SAMD11: variants seen among roughly 807,000 people sequenced by gnomAD.
The protein encoded by SAMD11 is sterile alpha motif domain containing 11, also known as sterile alpha motif domain-containing protein 11.
SAMD11 carries 77 observed loss-of-function variants against 64.4 expected under a neutral mutation model. The observed-to-expected ratio is 1.20, with a 90% CI of 0.99 to 1.44. The LOEUF is 1.44. SAMD11 is among the 40% of genes most tolerant of loss of function. The pLI is 0.00. For missense variants in SAMD11, 1,402 were observed against 943.3 expected (o/e 1.49, Z -6.37); for synonymous variants, 658 against 421.9 (o/e 1.56, Z -6.86).
At chr1:940,328 C>A (rs993788050) in intron 7 of SAMD11, 2 of 147,836 alleles carry the variant, frequency 1.4e-5, no homozygotes, top group African/African-American at 2.5e-5. Flanking sequence ...CGGAGCCGGC[C>A]GTAAATAACC....
intron 1 of SAMD11, chr1:925,328 G>C (rs984713882): frequency 8.0e-5 from 12 of 150,836 alleles, no homozygotes; most frequent in African/African-American, 2.9e-4. Flanking sequence ...CCGGGTGCGA[G>C]CGCGCGGCGG....
chr1:926,118 C>A, intron 2 of SAMD11, 105 bp downstream of exon 2: 1 of 1,119,182 alleles, frequency 8.9e-7, no homozygotes, highest in Non-Finnish European at 1.3e-6. Context: ...CTCACCCCTG[C>A]GGGTGTGCTG....
In SAMD11 at chr1:937,612, G is replaced by A. The variant is rs906631991; in HGVS notation, c.968-1428G>A. On this transcript the variant is annotated intron_variant, in intron 5 of 13. Coordinates refer to ENST00000616016, the MANE Select transcript of SAMD11 (RefSeq NM_001385641.1). ...TTGGCCCACCCCCTCCCAGCCCACC[G>A]AGCTCTGGCACGGGAGGCTGTGGGG... Among the ~76,000 whole-genome samples the A allele has an allele frequency of 9.9e-5, 15 of 151,744 alleles. No homozygotes were observed. In the East Asian group the frequency reaches 1.2e-3, roughly 12 times the overall value.
intron 5 of SAMD11, among the ~76,000 whole-genome samples, chr1:937,137 C>T (rs1641498213): frequency 6.6e-6 from 1 of 152,166 alleles, no homozygotes; most frequent in Non-Finnish European, 1.5e-5. Flanking sequence ...GGCCCGCTCC[C>T]CGGAGCCTCC....
rs139717535 is a variant in SAMD11 at position 944,051 on chromosome 1, T to A, written c.2433T>A (p.Tyr811Ter). ...CCCCCACGACGGCCACGTCCCCCTA[T>A]GGAGGGGGCCACGCCCTTGCCGGTC... Reference protein sequence around the residue: ...PLSPTTATSPYGGGHALAGQT... With the variant: ...PLSPTTATSP The change falls in exon 14 of 14, where the codon TAT (tyrosine) becomes TAA (stop). Residue 811 changes from tyrosine to a stop codon, truncating the protein, a stop_gained. Coordinates refer to ENST00000616016, the MANE Select transcript of SAMD11 (RefSeq NM_001385641.1). LOFTEE classifies it high-confidence loss of function. The A allele has an allele frequency of 3.1e-6, 5 of 1,612,560 alleles. No individual in the cohort carries two copies. In the African/African-American group the frequency reaches 4.0e-5, roughly 13 times the overall value.
At chr1:940,960 T>TC in intron 7 of SAMD11, 184 bp from the exon 8 acceptor site, 1 of 531,222 alleles carries the variant, frequency 1.9e-6, no homozygotes, top group Non-Finnish European at 3.3e-6. Context: ...TCGCCCAGCA[T>TC]CTTGTCTGCC....
chr1:935,089 C>A (rs921459681), intron 4 of SAMD11, among the ~76,000 whole-genome samples: 3 of 152,086 alleles, frequency 2.0e-5, no homozygotes, highest in Non-Finnish European at 4.4e-5. Context: ...CGTCTCATTG[C>A]TCTCTGGGAC....
At chr1:926,813 C>T (rs1049266549) in intron 2 of SAMD11, among the ~76,000 whole-genome samples, 1 of 152,128 alleles carries the variant, frequency 6.6e-6, no homozygotes, top group African/African-American at 2.4e-5. Flanking sequence ...CCAATTAGGG[C>T]CATGGCTGCT....
At chr1:938,641 C>T (rs1182495401) in intron 5 of SAMD11, among the ~76,000 whole-genome samples, 1 of 152,008 alleles carries the variant, frequency 6.6e-6, no homozygotes, top group African/African-American at 2.4e-5. Context: ...TGGCATGTGA[C>T]CCTGCACAGC....
chr1:935,740 C>T (rs369506219), intron 4 of SAMD11, 32 bp from the exon 5 acceptor site: 10 of 1,612,160 alleles, frequency 6.2e-6, no homozygotes, highest in East Asian at 4.5e-5. Context: ...CAGCTGCCCA[C>T]GGGGTCAGCT....
At position 942,971 on chromosome 1, in the gene SAMD11, G is replaced by A. The variant is rs756566311; in HGVS notation, c.1966G>A (p.Gly656Arg). 3.2e-6 allele frequency: 5 copies of A among 1,542,096 alleles called. No individual in the cohort carries two copies. Among genetic ancestry groups the A allele is most frequent in the South Asian group, 2.4e-5 (2 of 83,018 alleles). Residue 656 changes from glycine to arginine, a missense_variant, in exon 11 of 14, where the codon GGG (glycine) becomes AGG (arginine). Physicochemically the swap from Gly to Arg is moderately radical, Grantham distance 125. Coordinates refer to ENST00000616016, the MANE Select transcript of SAMD11 (RefSeq NM_001385641.1). Reference protein sequence around the residue: ...GPTPGQAPAGGAGAEGKGLFP... With the variant: ...GPTPGQAPAGRAGAEGKGLFP... ...CACTCCGGGCCAAGCTCCAGCTGGAGGGGCCGGCGCCGAGGGGAAGGGGCT... is the reference window on the plus strand; with the variant it reads ...CACTCCGGGCCAAGCTCCAGCTGGAAGGGCCGGCGCCGAGGGGAAGGGGCT...
At chr1:937,919 A>G (rs1641545101) in intron 5 of SAMD11, among the ~76,000 whole-genome samples, 1 of 152,214 alleles carries the variant, frequency 6.6e-6, no homozygotes, top group Non-Finnish European at 1.5e-5. Flanking sequence ...GAATAAGAAA[A>G]AGGAATTAGG....
chr1:939,017 G>A (rs1342691775), intron 5 of SAMD11, 23 bp from the exon 6 acceptor site: 11 of 1,572,436 alleles, frequency 7.0e-6, no homozygotes, highest in African/African-American at 1.3e-5. Context: ...AGATGCAGGT[G>A]GGCACTCACT....
intron 4 of SAMD11, among the ~76,000 whole-genome samples, chr1:933,229 G>T (rs945509340): frequency 6.6e-6 from 1 of 152,214 alleles, no homozygotes; most frequent in Non-Finnish European, 1.5e-5. Context: ...GACGTCCAGG[G>T]CGTGTTTCTT....
Position 937,738 on chromosome 1 carries a change from G to A in SAMD11, c.968-1302G>A, listed in dbSNP as rs538864336. On this transcript the variant is annotated intron_variant, in intron 5 of 13. Coordinates refer to ENST00000616016, the MANE Select transcript of SAMD11 (RefSeq NM_001385641.1). ...GGGCCCAGCCACCCGATCTGTCACC[G>A]AGGTGGGGACCCTGGACCAGACCGT... 3.2e-3 allele frequency among the ~76,000 whole-genome samples: 488 copies of A among 152,314 alleles called. 1 individual carries two copies. Among genetic ancestry groups the A allele is most frequent in the African/African-American group, 0.011 (466 of 41,560 alleles).
intron 5 of SAMD11, among the ~76,000 whole-genome samples, chr1:937,642 C>T (rs950602588): frequency 1.3e-5 from 2 of 152,102 alleles, no homozygotes; most frequent in African/African-American, 4.8e-5. Flanking sequence ...GTGGGGGAGA[C>T]GATGGCTTCT....
At chr1:943,667 G>A (rs1641965972) in intron 12 of SAMD11, 31 bp from the exon 13 acceptor site, 1 of 1,515,008 alleles carries the variant, frequency 6.6e-7, no homozygotes, top group Admixed American at 2.1e-5. Context: ...GCAGCACCCG[G>A]GTCCTGACCC....
intron 5 of SAMD11, among the ~76,000 whole-genome samples, chr1:936,905 C>T (rs1032831979): frequency 1.3e-5 from 2 of 152,186 alleles, no homozygotes; most frequent in African/African-American, 2.4e-5. Context: ...AGGCCCTCCC[C>T]TGTGCCTTCA....
intron 2 of SAMD11, among the ~76,000 whole-genome samples, chr1:926,498 G>A (rs551965079): frequency 6.6e-6 from 1 of 152,306 alleles, no homozygotes; most frequent in South Asian, 2.1e-4. Context: ...AGGGTGCAAG[G>A]GCCTGGACGT....
Sources: gnomAD v4.1 joint callset for allele counts (sites outside exome capture counted in the v4.1 genomes callset) on GRCh38, gnomAD v4.1.1 for gene constraint, MANE v1.5 for transcripts, NCBI Gene and HGNC (gene_info 2026-07-23, HGNC 2026-07-21) for gene names.